SLC44A5: variants seen among roughly 807,000 people sequenced by gnomAD.
SLC44A5 encodes choline transporter-like protein 5.
Under a neutral mutation model 101.8 loss-of-function variants are expected in SLC44A5, and 57 were observed. That is an observed-to-expected ratio of 0.56 (90% CI 0.45 to 0.70). The LOEUF (loss-of-function observed/expected upper bound fraction) is 0.70. SLC44A5 is among the 30% of genes least tolerant of loss of function. The probability of loss-of-function intolerance (pLI) is 0.00; values close to 1 mark genes in which losing one functional copy is unlikely to be tolerated. For missense variants in SLC44A5, 737 were observed against 853.1 expected (o/e 0.86, Z 1.70); for synonymous variants, 281 against 290.9 (o/e 0.97, Z 0.35).
intron 2 of SLC44A5, among the ~76,000 whole-genome samples, chr1:75,497,968 C>T (rs544676610): frequency 4.8e-4 from 73 of 151,966 alleles, no homozygotes; most frequent in Non-Finnish European, 8.1e-4. Flanking sequence ...AATGCAAAAC[C>T]GAATTTCTAC....
chr1:75,697,667 G>A, the SLC44A5 span, among the ~76,000 whole-genome samples: 1 of 152,120 alleles, frequency 6.6e-6, no homozygotes, highest in Non-Finnish European at 1.5e-5. Flanking sequence ...GCCGAATAGG[G>A]ACAGCTCCAG....
intron 3 of SLC44A5, among the ~76,000 whole-genome samples, chr1:75,368,726 T>A (rs1404658995): frequency 6.6e-6 from 1 of 152,072 alleles, no homozygotes; most frequent in Non-Finnish European, 1.5e-5. Flanking sequence ...TGTTCTGAAA[T>A]ATATCCTAAG....
chr1:75,378,199 A>G (rs193255462), intron 3 of SLC44A5, among the ~76,000 whole-genome samples: 2 of 80,362 alleles, frequency 2.5e-5, no homozygotes, highest in South Asian at 7.7e-4. Context: ...GGGTGATAAT[A>G]GGGCAAACTA....
rs563471243 is a variant in SLC44A5 at position 75,306,509 on chromosome 1, A to G, written c.102-5824T>C. Reference sequence around the variant, plus strand: ...ATTTTTGGTCAAGCTTAAACATGCTATCTGGACATTGCTATCTCCAGTAAA... The same window carrying G: ...ATTTTTGGTCAAGCTTAAACATGCTGTCTGGACATTGCTATCTCCAGTAAA... On this transcript the variant is annotated intron_variant, in intron 4 of 23. Coordinates refer to ENST00000370859, the MANE Select transcript of SLC44A5 (RefSeq NM_001130058.2). Among the ~76,000 whole-genome samples the G allele has an allele frequency of 3.9e-5, 6 of 152,282 alleles. No individual in the cohort carries two copies. The East Asian group carries it at 1.2e-3, about 29-fold the overall frequency.
chr1:75,557,857 T>C (rs1346022790), intron 1 of SLC44A5, among the ~76,000 whole-genome samples: 1 of 152,260 alleles, frequency 6.6e-6, no homozygotes, highest in Non-Finnish European at 1.5e-5. Flanking sequence ...TTTATGACTA[T>C]ATTAGAATAT....
chr1:75,352,804 C>T (rs914700205), intron 3 of SLC44A5, among the ~76,000 whole-genome samples: 6 of 152,184 alleles, frequency 3.9e-5, no homozygotes, highest in South Asian at 2.1e-4. Flanking sequence ...ATGGATAATA[C>T]GGTTCATGGC....
chr1:75,615,033 CT>C (rs1451574896), upstream of SLC44A5, among the ~76,000 whole-genome samples: 2 of 152,142 alleles, frequency 1.3e-5, no homozygotes, highest in African/African-American at 4.8e-5. Context: ...AGGAGGCTCC[CT>C]CCCGAGTCGC....
chr1:75,484,445 A>G (rs1668044348), intron 2 of SLC44A5, among the ~76,000 whole-genome samples: 1 of 152,218 alleles, frequency 6.6e-6, no homozygotes, highest in African/African-American at 2.4e-5. Flanking sequence ...CATATCCAGC[A>G]CACACTGATG....
chr1:75,295,840 T>A (rs1653922234), intron 5 of SLC44A5, among the ~76,000 whole-genome samples: 1 of 152,186 alleles, frequency 6.6e-6, no homozygotes, highest in Non-Finnish European at 1.5e-5. Flanking sequence ...CCCTCCTTGG[T>A]GTTTTGGGAA....
chr1:75,366,417 G>C (rs1266089748), intron 3 of SLC44A5, among the ~76,000 whole-genome samples: 1 of 152,092 alleles, frequency 6.6e-6, no homozygotes, highest in East Asian at 1.9e-4. Flanking sequence ...TCTTGTGTGT[G>C]ATGAGTCATT....
At chr1:75,354,643 G>A (rs780043311) in intron 3 of SLC44A5, among the ~76,000 whole-genome samples, 11 of 152,056 alleles carry the variant, frequency 7.2e-5, no homozygotes, top group Admixed American at 1.3e-4. Flanking sequence ...TGACTCCGCC[G>A]GACTTCGTCA....
At chr1:75,415,415 C>A (rs1272358610) in intron 2 of SLC44A5, among the ~76,000 whole-genome samples, 2 of 152,162 alleles carry the variant, frequency 1.3e-5, no homozygotes, top group African/African-American at 4.8e-5. Flanking sequence ...TGATTGTGAG[C>A]CTTCCTCAGC....
At chr1:75,346,301 A>G (rs115003030) in intron 3 of SLC44A5, among the ~76,000 whole-genome samples, 1,745 of 152,248 alleles carry the variant, frequency 0.011, 31 homozygotes, top group African/African-American at 0.041. Flanking sequence ...TTTAAGAAAC[A>G]TTTTCCAAAT....
the SLC44A5 span, among the ~76,000 whole-genome samples, chr1:75,682,964 T>G: frequency 1.6e-4 from 24 of 152,104 alleles, no homozygotes; most frequent in Non-Finnish European, 2.2e-4. Context: ...TAGACACTTC[T>G]CAAAAGAAGA....
At chr1:75,213,620 A>C (rs1646902049) in intron 22 of SLC44A5, 85 bp downstream of exon 22, 1 of 998,504 alleles carries the variant, frequency 1.0e-6, no homozygotes, top group South Asian at 1.4e-5. Context: ...CAGAACTGTG[A>C]GGAATAAATT....
chr1:75,574,031 C>A (rs1322976660), intron 1 of SLC44A5, among the ~76,000 whole-genome samples: 1 of 152,158 alleles, frequency 6.6e-6, no homozygotes, highest in South Asian at 2.1e-4. Flanking sequence ...GTAGTCTCAG[C>A]TGAATAACCT....
At chr1:75,398,899 T>A (rs1662299439) in intron 2 of SLC44A5, among the ~76,000 whole-genome samples, 1 of 151,926 alleles carries the variant, frequency 6.6e-6, no homozygotes, top group Admixed American at 6.6e-5. Context: ...AAGACTGGAA[T>A]CTAGTGTGAG....
At chr1:75,271,202 G>A (rs1651438385) in intron 6 of SLC44A5, among the ~76,000 whole-genome samples, 1 of 151,282 alleles carries the variant, frequency 6.6e-6, no homozygotes, top group South Asian at 2.1e-4. Context: ...TAAATTTCTG[G>A]GTTTTCTTGA....
rs142061251 is a variant in SLC44A5, at chr1:75,449,783, A to T, written c.14-53162T>A. On this transcript the variant is annotated intron_variant, in intron 2 of 23. Transcript: ENST00000370859. Reference sequence around the variant, plus strand: ...TTTGGGAGGCCGAGAAGGGCGGATCACAAGGTCAAGAGACCAAGACCATCC... The same window carrying T: ...TTTGGGAGGCCGAGAAGGGCGGATCTCAAGGTCAAGAGACCAAGACCATCC... Among the ~76,000 whole-genome samples the T allele has an allele frequency of 5.2e-3, 798 of 152,238 alleles. 6 individuals are homozygous for T. Among genetic ancestry groups the T allele is most frequent in the African/African-American group, 0.018 (752 of 41,560 alleles).
Sources: allele counts gnomAD v4.1 joint callset (sites outside exome capture counted in the v4.1 genomes callset), GRCh38; gene constraint gnomAD v4.1.1; transcripts MANE v1.5; gene names NCBI Gene and HGNC (gene_info 2026-07-23, HGNC 2026-07-21).